The following BBX variants were observed in gnomAD, a reference collection of about 807,000 sequenced individuals.
BBX encodes the protein BBX high mobility group box domain containing.
Under a neutral mutation model 100.2 loss-of-function variants are expected in BBX, and 30 were observed. The ratio of observed to expected loss-of-function variants is 0.30; its 90% CI spans 0.22 to 0.41. The LOEUF is 0.41. Among genes scored for constraint, BBX ranks in the 10% least tolerant of loss-of-function variants. The pLI is 1.00. For missense variants in BBX, 1,023 were observed against 1,129.8 expected, an observed-to-expected ratio of 0.91 and a Z score of 1.35; for synonymous variants, 376 against 388.1, an observed-to-expected ratio of 0.97 and a Z score of 0.37.
intron 3 of BBX, among the ~76,000 whole-genome samples, chr3:107,646,570 TTAA>T (rs1202755277): frequency 3.9e-5 from 6 of 152,234 alleles, no homozygotes; most frequent in African/African-American, 1.2e-4. Context: ...AAAATTAGTT[TTAA>T]TAATAATTAC....
At chr3:107,551,882 T>G (rs1399846649) in intron 2 of BBX, among the ~76,000 whole-genome samples, 1 of 152,218 alleles carries the variant, frequency 6.6e-6, no homozygotes, top group Non-Finnish European at 1.5e-5. Context: ...CTTCACAAGT[T>G]CCAGACTATT....
chr3:107,719,093 C>T (rs559607132), intron 5 of BBX, among the ~76,000 whole-genome samples: 4 of 152,084 alleles, frequency 2.6e-5, no homozygotes, highest in African/African-American at 9.6e-5. Flanking sequence ...TTAATAAGTG[C>T]CTTCAATTTA....
intron 3 of BBX, among the ~76,000 whole-genome samples, chr3:107,706,293 G>C (rs1247258088): frequency 1.3e-5 from 2 of 152,050 alleles, no homozygotes; most frequent in Non-Finnish European, 2.9e-5. Flanking sequence ...AATGCTGGGA[G>C]ATTACAGACG....
chr3:107,762,271 T>C (rs1262680436), intron 10 of BBX, among the ~76,000 whole-genome samples: 2 of 152,220 alleles, frequency 1.3e-5, no homozygotes, highest in African/African-American at 2.4e-5. Flanking sequence ...TCAGAAACAG[T>C]ACCATTTCTG....
chr3:107,776,635 CCTGTTAA>C (rs2067342807), intron 12 of BBX, among the ~76,000 whole-genome samples: 1 of 152,098 alleles, frequency 6.6e-6, no homozygotes, highest in South Asian at 2.1e-4. Context: ...AAATGTGCTA[CCTGTTAA>C]CTGTAGCCAA....
chr3:107,709,686 G>C (rs956081908), intron 3 of BBX, among the ~76,000 whole-genome samples: 5 of 152,198 alleles, frequency 3.3e-5, no homozygotes, highest in Admixed American at 2.0e-4. Flanking sequence ...GTTACCTCTG[G>C]ACCATGGTGC....
chr3:107,746,540 T>G (rs1026221678), intron 8 of BBX, among the ~76,000 whole-genome samples: 2 of 152,232 alleles, frequency 1.3e-5, no homozygotes, highest in African/African-American at 2.4e-5. Flanking sequence ...CCTTATCAGA[T>G]TAAAAAGCAC....
At chr3:107,607,167 G>A (rs1387626265) in intron 2 of BBX, among the ~76,000 whole-genome samples, 1 of 151,994 alleles carries the variant, frequency 6.6e-6, no homozygotes, top group African/African-American at 2.4e-5. Context: ...CACTGTGTCG[G>A]CTCACTGCAA....
At chr3:107,791,405 T>C in intron 15 of BBX, 106 bp downstream of exon 15, 5 of 876,392 alleles carry the variant, frequency 5.7e-6, no homozygotes, top group Middle Eastern at 2.3e-4. Context: ...ACAACAGCAC[T>C]AGACTTATGT....
intron 2 of BBX, among the ~76,000 whole-genome samples, chr3:107,580,726 G>A (rs2052213102): frequency 6.6e-6 from 1 of 152,102 alleles, no homozygotes; most frequent in Non-Finnish European, 1.5e-5. Flanking sequence ...CCGCCTCCTG[G>A]GTTCAAGTGA....
At chr3:107,556,351 T>C (rs1276539276) in intron 2 of BBX, among the ~76,000 whole-genome samples, 1 of 152,208 alleles carries the variant, frequency 6.6e-6, no homozygotes, top group East Asian at 1.9e-4. Context: ...GGTATGTGTG[T>C]ATTTTGTTTA....
chr3:107,555,891 T>G (rs2050063705), intron 2 of BBX, among the ~76,000 whole-genome samples: 1 of 152,208 alleles, frequency 6.6e-6, no homozygotes, highest in African/African-American at 2.4e-5. Flanking sequence ...AGAACTGTTA[T>G]AAACTGTTGT....
At chr3:107,802,751 C>T (rs955141741) in intron 17 of BBX, among the ~76,000 whole-genome samples, 7 of 152,222 alleles carry the variant, frequency 4.6e-5, no homozygotes, top group Non-Finnish European at 8.8e-5. Context: ...CACAGCAAAC[C>T]TTTCCAATCT....
chr3:107,711,337 C>T (rs1208424729), intron 4 of BBX: 1 of 470,894 alleles, frequency 2.1e-6, no homozygotes, highest in East Asian at 6.9e-5. Flanking sequence ...CCTCTTGCCT[C>T]AGAAATGAGA....
chr3:107,766,082 T>C (rs2066371799), intron 10 of BBX, among the ~76,000 whole-genome samples: 1 of 152,164 alleles, frequency 6.6e-6, no homozygotes, highest in South Asian at 2.1e-4. Context: ...GTCAAACGTA[T>C]ACTTTTGACG....
intron 10 of BBX, among the ~76,000 whole-genome samples, chr3:107,757,378 G>T (rs868351335): frequency 3.7e-4 from 57 of 152,184 alleles, no homozygotes; most frequent in African/African-American, 1.3e-3. Flanking sequence ...TCCCAAATAT[G>T]AAACAGATGC....
chr3:107,574,816 A>G (rs1165428652), intron 2 of BBX, among the ~76,000 whole-genome samples: 1 of 152,128 alleles, frequency 6.6e-6, no homozygotes, highest in Non-Finnish European at 1.5e-5. Context: ...TTGAGAAGGA[A>G]TGACTCAAGG....
At chr3:107,735,771 C>T (rs1042458138) in intron 7 of BBX, among the ~76,000 whole-genome samples, 4 of 151,910 alleles carry the variant, frequency 2.6e-5, no homozygotes, top group African/African-American at 7.2e-5. Context: ...AGATATCAAT[C>T]GCAAATAATA....
chr3:107,671,589 A>C (rs531105637), intron 3 of BBX, among the ~76,000 whole-genome samples: 1 of 152,242 alleles, frequency 6.6e-6, no homozygotes, highest in South Asian at 2.1e-4. Context: ...TCACTGAAGA[A>C]AGTCAATTCG....
Sources: allele counts gnomAD v4.1 joint callset (sites outside exome capture counted in the v4.1 genomes callset), GRCh38; gene constraint gnomAD v4.1.1; transcripts MANE v1.5; gene names NCBI Gene and HGNC (gene_info 2026-07-23, HGNC 2026-07-21).